The following WDPCP variants were observed in gnomAD, a reference collection of about 807,000 sequenced individuals.
WDPCP encodes the protein WD repeat-containing and planar cell polarity effector protein fritz homolog.
WDPCP carries 71 observed loss-of-function variants against 93.1 expected under a neutral mutation model. The observed-to-expected ratio is 0.76, with a 90% CI of 0.63 to 0.93. WDPCP has a LOEUF of 0.93. WDPCP is among the 40% of genes least tolerant of loss of function. WDPCP has a pLI of 0.00. For synonymous variants in WDPCP, 315 were observed against 315.0 expected (o/e 1.00, Z 0.00); for missense variants, 844 against 887.4 (o/e 0.95, Z 0.62).
At chr2:63,551,783 A>G (rs1241639762) in intron 1 of WDPCP, among the ~76,000 whole-genome samples, 1 of 151,952 alleles carries the variant, frequency 6.6e-6, no homozygotes, top group Non-Finnish European at 1.5e-5. Context: ...AACCAAAGAC[A>G]CATATGTGAA....
chr2:63,787,101 G>A (rs755292139), intron 2 of WDPCP, among the ~76,000 whole-genome samples: 1 of 152,118 alleles, frequency 6.6e-6, no homozygotes, highest in Non-Finnish European at 1.5e-5. Context: ...TATAAACTAG[G>A]ATACCCTTGG....
chr2:63,377,966 A>G (rs1691994372), intron 12 of WDPCP: 1 of 170,282 alleles, frequency 5.9e-6, no homozygotes, highest in Non-Finnish European at 1.3e-5. Context: ...TTGCCACATT[A>G]TATAAGCAGA....
intron 3 of WDPCP, among the ~76,000 whole-genome samples, chr2:63,623,004 CCGCGCGCCACT>C (rs1709766168): frequency 2.0e-5 from 3 of 152,362 alleles, no homozygotes; most frequent in Admixed American, 1.3e-4. Flanking sequence ...AGTTGTCCGA[CCGCGCGCCACT>C]TCCGGCGCAG....
intron 9 of WDPCP, among the ~76,000 whole-genome samples, chr2:63,418,322 T>C (rs1393002628): frequency 6.6e-6 from 1 of 152,014 alleles, no homozygotes; most frequent in Non-Finnish European, 1.5e-5. Context: ...ACGAAATATA[T>C]GGTGTGTAAT....
chr2:63,280,167 A>C (rs1276474950), intron 13 of WDPCP, among the ~76,000 whole-genome samples: 1 of 152,188 alleles, frequency 6.6e-6, no homozygotes, highest in Non-Finnish European at 1.5e-5. Context: ...GTTCATTTGC[A>C]TGCTGCTGAT....
intron 3 of WDPCP, among the ~76,000 whole-genome samples, chr2:63,625,673 C>T (rs1709802683): frequency 6.6e-6 from 1 of 152,090 alleles, no homozygotes; most frequent in East Asian, 1.9e-4. Context: ...ACAAACCACG[C>T]TCAAGGCAAT....
intron 2 of WDPCP, among the ~76,000 whole-genome samples, chr2:63,744,573 T>C (rs1425540445): frequency 6.6e-6 from 1 of 152,148 alleles, no homozygotes; most frequent in Non-Finnish European, 1.5e-5. Context: ...AGTAAATCAC[T>C]AAGTTGCAAT....
intron 3 of WDPCP, among the ~76,000 whole-genome samples, chr2:63,638,797 GAA>G (rs575796116): frequency 1.7e-5 from 2 of 116,682 alleles, no homozygotes; most frequent in Non-Finnish European, 3.6e-5. Flanking sequence ...TCGAAAAAAA[GAA>G]AAAAAAAAAA....
intron 1 of WDPCP, among the ~76,000 whole-genome samples, chr2:63,520,319 A>G (rs567408369): frequency 1.3e-5 from 2 of 152,352 alleles, no homozygotes; most frequent in East Asian, 3.9e-4. Context: ...ACATTTCAAG[A>G]TATCATCCAT....
chr2:63,721,164 G>A (rs1669408066), intron 2 of WDPCP, among the ~76,000 whole-genome samples: 1 of 152,204 alleles, frequency 6.6e-6, no homozygotes, highest in Non-Finnish European at 1.5e-5. Flanking sequence ...AGGAAAATTG[G>A]CATGACTGCA....
At chr2:63,133,367 A>G (rs945418388) in intron 17 of WDPCP, among the ~76,000 whole-genome samples, 4 of 152,210 alleles carry the variant, frequency 2.6e-5, no homozygotes, top group Admixed American at 1.3e-4. Flanking sequence ...ATCAGGGATC[A>G]ATTCTTCAGG....
chr2:63,404,037 C>G lies in WDPCP; in HGVS notation c.1435+11G>C, dbSNP rs764206772. ...TTTTAATTTACTTACTCATCACTTT[C>G]CTTGACTTACCTAGTTTAAACAACA... On this transcript the variant is annotated intron_variant, in intron 10 of 17. Coordinates refer to ENST00000272321, the MANE Select transcript of WDPCP (RefSeq NM_015910.7). 1 of 1,613,944 alleles carries G rather than the reference C, an allele frequency of 6.2e-7. No individual in the cohort carries two copies. Among genetic ancestry groups the G allele is most frequent in the Non-Finnish European group, 8.5e-7 (1 of 1,179,932 alleles).
At chr2:63,570,507 G>A (rs1707404487) in intron 1 of WDPCP, among the ~76,000 whole-genome samples, 1 of 152,180 alleles carries the variant, frequency 6.6e-6, no homozygotes, top group South Asian at 2.1e-4. Flanking sequence ...AGCAAAGGAA[G>A]GGCTAAGTGA....
At chr2:63,721,802 C>A (rs1558894394) in intron 2 of WDPCP, among the ~76,000 whole-genome samples, 1 of 151,352 alleles carries the variant, frequency 6.6e-6, no homozygotes, top group South Asian at 2.1e-4. Context: ...CGAAGCTGGA[C>A]TGTACTGCTG....
intron 15 of WDPCP, 50 bp downstream of exon 15, chr2:63,174,620 G>A: frequency 6.2e-7 from 1 of 1,606,930 alleles, no homozygotes; most frequent in Non-Finnish European, 8.5e-7. Flanking sequence ...ATTTGAACAG[G>A]TAATACTAAA....
intron 3 of WDPCP, among the ~76,000 whole-genome samples, chr2:63,597,045 T>A (rs1239660320): frequency 6.6e-6 from 1 of 152,222 alleles, no homozygotes; most frequent in Non-Finnish European, 1.5e-5. Flanking sequence ...ATTTAAAGGT[T>A]AGGTGAATTA....
At chr2:63,456,903 T>G (rs529709067) in intron 6 of WDPCP, among the ~76,000 whole-genome samples, 39 of 152,138 alleles carry the variant, frequency 2.6e-4, no homozygotes, top group African/African-American at 9.2e-4. Flanking sequence ...TCCCAGCTAC[T>G]AGGGAGGCTG....
intron 14 of WDPCP, among the ~76,000 whole-genome samples, chr2:63,239,179 T>C (rs192949716): frequency 6.6e-6 from 1 of 152,326 alleles, no homozygotes; most frequent in East Asian, 1.9e-4. Flanking sequence ...AGCAAAAAAG[T>C]ATTATAGGAT....
intron 1 of WDPCP, among the ~76,000 whole-genome samples, chr2:63,550,091 T>C (rs1051168224): frequency 6.6e-6 from 1 of 152,008 alleles, no homozygotes; most frequent in African/African-American, 2.4e-5. Flanking sequence ...CTATAAAACT[T>C]AGTTCTGCCA....
Sources: gnomAD v4.1 joint callset for allele counts (sites outside exome capture counted in the v4.1 genomes callset) on GRCh38, gnomAD v4.1.1 for gene constraint, MANE v1.5 for transcripts, NCBI Gene and HGNC (gene_info 2026-07-23, HGNC 2026-07-21) for gene names.